The following NID1 variants were observed in gnomAD, a reference collection of about 807,000 sequenced individuals.
NID1 encodes nidogen 1, also known as nidogen-1.
In NID1, 76 loss-of-function variants were observed where a neutral mutation model predicts 130.6. That is an observed-to-expected ratio of 0.58 (90% confidence interval 0.48 to 0.70). NID1 has a LOEUF of 0.70. Ranked by LOEUF, NID1 falls within the 30% of genes least tolerant of loss-of-function variation. The probability of loss-of-function intolerance (pLI) is 0.00; values close to 1 mark genes in which losing one functional copy is unlikely to be tolerated. For synonymous variants in NID1, 665 were observed against 675.1 expected, an observed-to-expected ratio of 0.98 and a Z score of 0.23; for missense variants, 1,517 against 1,664.8, an observed-to-expected ratio of 0.91 and a Z score of 1.54.
chr1:235,978,052 T>C, intron 19 of NID1, 64 bp from the exon 20 acceptor site: 3 of 1,573,422 alleles, frequency 1.9e-6, no homozygotes, highest in East Asian at 2.3e-5. Flanking sequence ...CCATTTAAGA[T>C]AGTGGGCTCC....
At chr1:236,034,092 C>T (rs1189596296) in intron 5 of NID1, among the ~76,000 whole-genome samples, 9 of 152,084 alleles carry the variant, frequency 5.9e-5, no homozygotes, top group East Asian at 1.9e-4. Context: ...AAACAAAATA[C>T]GGTACCTCCA....
intron 12 of NID1, among the ~76,000 whole-genome samples, chr1:235,999,503 G>A (rs1658018013): frequency 6.6e-6 from 1 of 152,034 alleles, no homozygotes; most frequent in South Asian, 2.1e-4. Flanking sequence ...AGTGTCCCTG[G>A]CCCCCATGGG....
In NID1 at chr1:235,979,795, C is replaced by T; in HGVS notation, c.3509+27G>A. 1.2e-6 allele frequency: 2 copies of T among 1,611,112 alleles called. No individual in the cohort carries two copies. The highest frequency in any genetic ancestry group is 1.7e-6 in the Non-Finnish European group (2 of 1,178,088). On this transcript the variant is annotated intron_variant, in intron 18 of 19. Coordinates refer to ENST00000264187, the MANE Select transcript of NID1 (RefSeq NM_002508.3). The surrounding 1 kb of genome is among the most constrained non-coding windows in gnomAD (Gnocchi z 4.6). The stretch of plus-strand genomic sequence containing the variant: ...CAGTGGGTGGAGGGGCAGGCCCACG[C>T]AGCCCCCATGGCTACAGCTGACGTA...
intron 1 of NID1, among the ~76,000 whole-genome samples, chr1:236,055,378 A>G (rs922382113): frequency 6.6e-6 from 1 of 152,130 alleles, no homozygotes. Flanking sequence ...GAGGACATCA[A>G]TGAAAGAAGA....
At chr1:236,043,539 C>T (rs1317457916) in intron 3 of NID1, among the ~76,000 whole-genome samples, 1 of 151,974 alleles carries the variant, frequency 6.6e-6, no homozygotes, top group Non-Finnish European at 1.5e-5. Flanking sequence ...TGGCTCACAC[C>T]TGTAATCCCA....
chr1:236,058,772 C>G (rs1020845498), intron 1 of NID1, among the ~76,000 whole-genome samples: 7 of 152,146 alleles, frequency 4.6e-5, no homozygotes, highest in African/African-American at 1.7e-4. Context: ...CTAGGGGGAG[C>G]CTTCTCCAAA....
At chr1:236,053,523 G>GCCTTCTCAGAGAGCTTCCTGGCAT (rs1428666759) in intron 1 of NID1, among the ~76,000 whole-genome samples, 2 of 152,082 alleles carry the variant, frequency 1.3e-5, no homozygotes, top group Non-Finnish European at 2.9e-5. Context: ...CTGAAACAGT[G>GCCTTCTCAGAGAGCTTCCTGGCAT]CCTTCTCAGA....
rs577243219 is a variant in NID1 at position 235,980,475 on chromosome 1, C to G, written c.3385+21G>C. On this transcript the variant is annotated intron_variant, in intron 17 of 19. Transcript: ENST00000264187. ...TTAGGAGATTGAGACCCGCCCTGGA[C>G]AGTGTCCAGCTTTCCATCACCTGCA... 2.5e-6 allele frequency: 4 copies of G among 1,613,534 alleles called. No homozygotes were observed. The African/African-American group carries it at 4.0e-5, about 16-fold the overall frequency.
rs761846295 is a variant in NID1 at position 235,977,902 on chromosome 1, T to C, written c.3709A>G (p.Asn1237Asp). Reference sequence around the variant, plus strand: ...TCGATACAGTCAACTCCCAAGGTGTTGTCAGGGCAACGGCAGGTCCTGCTC... The same window carrying C: ...TCGATACAGTCAACTCCCAAGGTGTCGTCAGGGCAACGGCAGGTCCTGCTC... ...PGSRTCRCPD[N>D]TLGVDCIEQK Residue 1237 changes from asparagine to aspartate, a missense_variant, in exon 20 of 20, where the codon AAC becomes GAC. Asn to Asp is a conservative substitution (Grantham distance 23). Coordinates refer to ENST00000264187, the MANE Select transcript of NID1 (RefSeq NM_002508.3). 14 of 1,614,074 alleles carry C rather than the reference T, an allele frequency of 8.7e-6. No homozygotes were observed. Among genetic ancestry groups the C allele is most frequent in the African/African-American group, 1.3e-5 (1 of 74,926 alleles).
chr1:235,987,639 T>C (rs2102796580), intron 14 of NID1, among the ~76,000 whole-genome samples: 1 of 152,260 alleles, frequency 6.6e-6, no homozygotes, highest in Admixed American at 6.5e-5. Flanking sequence ...ATTCTGTCAA[T>C]AGCCTGGAAA....
chr1:236,062,587 T>C (rs1280920118), intron 1 of NID1, among the ~76,000 whole-genome samples: 2 of 140,762 alleles, frequency 1.4e-5, no homozygotes, highest in African/African-American at 5.4e-5. Flanking sequence ...TGAGCTAAGA[T>C]TGAGCCACTG....
intron 1 of NID1, chr1:236,060,811 G>A (rs1660018423): frequency 6.6e-6 from 1 of 151,804 alleles, no homozygotes; most frequent in African/African-American, 2.4e-5. Flanking sequence ...TTTTAACTAC[G>A]GGTGTGTCTA....
intron 1 of NID1, among the ~76,000 whole-genome samples, chr1:236,054,639 T>G (rs1343610276): frequency 6.6e-6 from 1 of 152,184 alleles, no homozygotes; most frequent in Non-Finnish European, 1.5e-5. Flanking sequence ...TATTTTGTTT[T>G]TTTAAAGAAT....
At chr1:236,064,754 C>T (rs1235661747) in intron 1 of NID1, 101 bp downstream of exon 1, 68 of 1,132,776 alleles carry the variant, frequency 6.0e-5, no homozygotes, top group East Asian at 9.2e-5. Flanking sequence ...GCCAGCGGGT[C>T]CGGGTCCCCG....
chr1:236,027,090 AC>A (rs1658956544), intron 7 of NID1, among the ~76,000 whole-genome samples: 1 of 152,072 alleles, frequency 6.6e-6, no homozygotes, highest in African/African-American at 2.4e-5. Context: ...ATCCTGCAAT[AC>A]CAAAAAAATG....
chr1:236,012,186 C>T, intron 11 of NID1, 143 bp from the exon 12 acceptor site: 2 of 953,792 alleles, frequency 2.1e-6, no homozygotes, highest in South Asian at 1.6e-5. Flanking sequence ...TAAACATTAA[C>T]TATCAAGTCA....
intron 1 of NID1, among the ~76,000 whole-genome samples, chr1:236,063,550 TG>T (rs1484412578): frequency 1.3e-5 from 2 of 152,076 alleles, no homozygotes; most frequent in African/African-American, 4.8e-5. Flanking sequence ...ATAAGATGTG[TG>T]TTTTTTTAAT....
chr1:236,021,489 C>T (rs1382107928), intron 9 of NID1, among the ~76,000 whole-genome samples: 2 of 152,184 alleles, frequency 1.3e-5, no homozygotes, highest in African/African-American at 2.4e-5. Flanking sequence ...GCCAACACCG[C>T]GAGGCCCTGA....
chr1:236,031,437 T>C (rs1659099199), intron 6 of NID1, among the ~76,000 whole-genome samples: 1 of 152,176 alleles, frequency 6.6e-6, no homozygotes, highest in Non-Finnish European at 1.5e-5. Context: ...TTCTAATAGA[T>C]AGCCTCTCCT....
Sources: gnomAD v4.1 joint callset for allele counts (sites outside exome capture counted in the v4.1 genomes callset) on GRCh38, gnomAD v4.1.1 for gene constraint, Gnocchi (gnomAD v3.1) non-coding constraint, MANE v1.5 for transcripts, NCBI Gene and HGNC (gene_info 2026-07-23, HGNC 2026-07-21) for gene names.